Variants in NAPG observed in about 807,000 individuals in gnomAD.
NAPG encodes gamma-soluble NSF attachment protein.
A neutral mutation model predicts 48.4 loss-of-function variants in NAPG; 25 were observed. That is an observed-to-expected ratio of 0.52 (90% CI 0.38 to 0.72). The LOEUF is 0.72. Ranked by LOEUF, NAPG falls within the 30% of genes least tolerant of loss-of-function variation. NAPG has a pLI of 0.00. For synonymous variants in NAPG, 139 were observed against 127.2 expected (o/e 1.09, Z -0.62); for missense variants, 359 against 372.5 (o/e 0.96, Z 0.30).
rs1445265002 is a variant in NAPG at position 10,544,828 on chromosome 18, C to G, written c.507-1498C>G. Among the ~76,000 whole-genome samples the G allele has an allele frequency of 6.6e-6, 1 of 152,174 alleles. No homozygotes were observed. Among genetic ancestry groups the G allele is most frequent in the Non-Finnish European group, 1.5e-5 (1 of 68,040 alleles). On this transcript the variant is annotated intron_variant, in intron 8 of 11. Transcript: ENST00000322897. The surrounding 1 kb of genome is among the most constrained non-coding windows in gnomAD (Gnocchi z 5.1). ...AATTGACTTTGTTCCAAAAATTTAT[C>G]AAGTTGACCTGTGGAAATTCAGAAT...
intron 1 of NAPG, among the ~76,000 whole-genome samples, chr18:10,528,303 G>A (rs2143086318): frequency 6.6e-6 from 1 of 152,334 alleles, no homozygotes; most frequent in Non-Finnish European, 1.5e-5. Context: ...ACCTGTACCA[G>A]CCACAGAGGA....
At chr18:10,530,366 C>T (rs73392611) in intron 1 of NAPG, among the ~76,000 whole-genome samples, 2,880 of 151,970 alleles carry the variant, frequency 0.019, 88 homozygotes, top group African/African-American at 0.063. Flanking sequence ...CTTGTCTGTG[C>T]GTCAGTTTCA....
chr18:10,534,292 A>C lies in NAPG; in HGVS notation c.228-174A>C, dbSNP rs1410915504. Reference sequence around the variant, plus strand: ...CTGATGTTCTAAGCCATTATTCCCCACAAAAAAAGAATAAAAAATTATATT... The same window carrying C: ...CTGATGTTCTAAGCCATTATTCCCCCCAAAAAAAGAATAAAAAATTATATT... On this transcript the variant is annotated intron_variant, in intron 4 of 11. Transcript: ENST00000322897. The surrounding 1 kb of genome is among the most constrained non-coding windows in gnomAD (Gnocchi z 5.0). Among the ~76,000 whole-genome samples, 4 of 152,230 alleles carry C rather than the reference A, an allele frequency of 2.6e-5. No individual in the cohort carries two copies. The highest frequency in any genetic ancestry group is 9.6e-5 in the African/African-American group (4 of 41,454).
In NAPG at chr18:10,526,289, G is replaced by C. The variant is rs2031808050; in HGVS notation, c.56+131G>C. 16 of 852,978 alleles carry C rather than the reference G, an allele frequency of 1.9e-5. No homozygotes were observed. The South Asian group carries it at 2.2e-4, about 12-fold the overall frequency. 52.8% of individuals were successfully genotyped at this position (852,978 alleles called of 1,614,324 possible). On this transcript the variant is annotated intron_variant, in intron 1 of 11. Transcript: ENST00000322897. ...GGCCTCGGCGCGCTGGTGCCCGCAG[G>C]GCTGCCGGGGCTCGGTGTCCTCTGG...
In NAPG at chr18:10,548,533, T is replaced by C. The variant is rs1346140627; in HGVS notation, c.665+155T>C. 6.6e-6 allele frequency among the ~76,000 whole-genome samples: 1 copy of C among 151,190 alleles called. No individual in the cohort carries two copies. The highest frequency in any genetic ancestry group is 2.5e-5 in the African/African-American group (1 of 40,484). On this transcript the variant is annotated intron_variant, in intron 10 of 11. Coordinates refer to ENST00000322897, the MANE Select transcript of NAPG (RefSeq NM_003826.3). This position sits in a 1 kb window ranked among gnomAD's most constrained non-coding sequence, Gnocchi z 4.4. ...CATTTCATCTTTTACAGTGGGTGTT[T>C]TACACCTTTTTTTTTTTTCCCTTTC... is the stretch of plus-strand genomic sequence containing the variant.
chr18:10,545,594 C>A (rs1278385728), intron 8 of NAPG, among the ~76,000 whole-genome samples: 2 of 152,050 alleles, frequency 1.3e-5, no homozygotes, highest in Non-Finnish European at 2.9e-5. Flanking sequence ...TTGGAGTATA[C>A]TACAGCTTTG....
rs1225248138 is a variant in NAPG, at chr18:10,548,532, T to C, written c.665+154T>C. 6.6e-6 allele frequency among the ~76,000 whole-genome samples: 1 copy of C among 151,168 alleles called. No individual in the cohort carries two copies. Among genetic ancestry groups the C allele is most frequent in the Admixed American group, 6.5e-5 (1 of 15,274 alleles). On this transcript the variant is annotated intron_variant, in intron 10 of 11. Transcript: ENST00000322897. The surrounding 1 kb of genome is among the most constrained non-coding windows in gnomAD (Gnocchi z 4.4). ...CCATTTCATCTTTTACAGTGGGTGT[T>C]TTACACCTTTTTTTTTTTTCCCTTT...
chr18:10,534,578 G>C lies in NAPG; in HGVS notation c.258+82G>C. 1 of 1,365,516 alleles carries C rather than the reference G, an allele frequency of 7.3e-7. No homozygotes were observed. Among genetic ancestry groups the C allele is most frequent in the Non-Finnish European group, 1.0e-6 (1 of 957,620 alleles). The allele number at this position is 1,365,516 out of a possible 1,614,324, so 84.6% of individuals were successfully genotyped here. A position where few individuals can be genotyped will look rare whatever the true frequency, so the allele number is the denominator to read the frequency against. On this transcript the variant is annotated intron_variant, in intron 5 of 11. Coordinates refer to ENST00000322897, the MANE Select transcript of NAPG (RefSeq NM_003826.3). This position sits in a 1 kb window ranked among gnomAD's most constrained non-coding sequence, Gnocchi z 5.0. The stretch of plus-strand genomic sequence containing the variant: ...TTAAACAAGAATTTTTGTTGAAGTT[G>C]AAAAGCTTCCTTACTGTAAGGCAAG...
At position 10,550,682 on chromosome 18, in the gene NAPG, C is replaced by G. The variant is rs2032370492; in HGVS notation, c.*462C>G. 6.5e-6 allele frequency: 1 copy of G among 154,360 alleles called. No individual in the cohort carries two copies. The highest frequency in any genetic ancestry group is 1.4e-5 in the Non-Finnish European group (1 of 69,710). 9.6% of individuals were successfully genotyped at this position (154,360 alleles called of 1,614,324 possible). ...TTTTTGTTTTGAAAAGTAAATTTAT[C>G]CCCCATGATGTTAGATACATTTAAA... is the stretch of plus-strand genomic sequence containing the variant. On this transcript the variant is annotated 3_prime_UTR_variant, in exon 12 of 12. Coordinates refer to ENST00000322897, the MANE Select transcript of NAPG (RefSeq NM_003826.3).
At chr18:10,545,475 C>T (rs2032243896) in intron 8 of NAPG, among the ~76,000 whole-genome samples, 1 of 152,208 alleles carries the variant, frequency 6.6e-6, no homozygotes, top group African/African-American at 2.4e-5. Context: ...AATGCCCAGA[C>T]CCTGGTAGTT....
intron 1 of NAPG, 22 bp downstream of exon 1, chr18:10,526,180 G>C (rs760252952): frequency 4.3e-5 from 69 of 1,607,472 alleles, no homozygotes; most frequent in Non-Finnish European, 5.8e-5. Context: ...CCTTCCGGGG[G>C]CCTGTGTGTA....
At chr18:10,536,566 A>G (rs1343121774) in intron 5 of NAPG, among the ~76,000 whole-genome samples, 1 of 152,230 alleles carries the variant, frequency 6.6e-6, no homozygotes, top group Non-Finnish European at 1.5e-5. Flanking sequence ...ACTTTCAAGT[A>G]GGCAGCTCAT....
rs773053468 is a variant in NAPG at position 10,544,960 on chromosome 18, A to T, written c.507-1366A>T. Among the ~76,000 whole-genome samples, 8 of 152,122 alleles carry T rather than the reference A, an allele frequency of 5.3e-5. No homozygotes were observed. The highest frequency in any genetic ancestry group is 1.0e-4 in the Non-Finnish European group (7 of 68,018). On this transcript the variant is annotated intron_variant, in intron 8 of 11. Coordinates refer to ENST00000322897, the MANE Select transcript of NAPG (RefSeq NM_003826.3). The surrounding 1 kb of genome is among the most constrained non-coding windows in gnomAD (Gnocchi z 5.1). ...TAAGTAGCCATAATAGCATAAGCCA[A>T]GCCACTGTGTGTGTGGTGTGTGTGT...
chr18:10,549,070 C>G lies in NAPG; in HGVS notation c.769C>G (p.Pro257Ala), dbSNP rs200148315. Residue 257 changes from proline (P) to alanine (A), a missense_variant, in exon 11 of 12, where the codon CCG becomes GCG. By Grantham distance (27) the Pro-to-Ala change is conservative. Transcript: ENST00000322897. Reference sequence around the variant, plus strand: ...TCAGGTGTCAGATGTCTGCAACTCACCGCTTTTCAAGTACATGGACAATGA... The same window carrying G: ...TCAGGTGTCAGATGTCTGCAACTCAGCGCTTTTCAAGTACATGGACAATGA... Reference protein sequence around the residue: ...QDQVSDVCNSPLFKYMDNDYA... With the variant: ...QDQVSDVCNSALFKYMDNDYA... 12 of 1,613,764 alleles carry G rather than the reference C, an allele frequency of 7.4e-6. No individual in the cohort carries two copies. Among genetic ancestry groups the G allele is most frequent in the Non-Finnish European group, 1.0e-5 (12 of 1,179,744 alleles).
chr18:10,530,718 G>T, intron 1 of NAPG, 52 bp from the exon 2 acceptor site: 6 of 1,130,548 alleles, frequency 5.3e-6, no homozygotes, highest in South Asian at 1.9e-5. Context: ...GCAGAGATCT[G>T]ACTTATAAAT....
Position 10,550,346 on chromosome 18 carries a change from C to T in NAPG, c.*126C>T, listed in dbSNP as rs563178587. On this transcript the variant is annotated 3_prime_UTR_variant, in exon 12 of 12. Transcript: ENST00000322897. ...TCATGATTTTGGATCCTAATAAAGA[C>T]TAGTTTTTAGTTACCATCTTCCCAA... is the stretch of plus-strand genomic sequence containing the variant. 1 of 1,062,484 alleles carries T rather than the reference C, an allele frequency of 9.4e-7. No homozygotes were observed. Among genetic ancestry groups the T allele is most frequent in the Non-Finnish European group, 1.3e-6 (1 of 775,146 alleles). The allele number at this position is 1,062,484 out of a possible 1,614,324, so 65.8% of individuals were successfully genotyped here.
At chr18:10,547,728 T>G (rs2032298514) in intron 9 of NAPG, among the ~76,000 whole-genome samples, 1 of 152,192 alleles carries the variant, frequency 6.6e-6, no homozygotes, top group Admixed American at 6.5e-5. Context: ...CACCAAAAGA[T>G]GGAAAAATAC....
chr18:10,532,823 T>C (rs1567888590), intron 3 of NAPG, 28 bp downstream of exon 3: 16 of 1,497,370 alleles, frequency 1.1e-5, no homozygotes, highest in Non-Finnish European at 1.4e-5. Flanking sequence ...TAAAAAGAAA[T>C]TAAACAATTA....
chr18:10,526,461 G>A (rs906694969), intron 1 of NAPG: 5 of 401,282 alleles, frequency 1.2e-5, no homozygotes, highest in Non-Finnish European at 2.2e-5. Context: ...TGGGCGCTCT[G>A]CTCCTGAAGA....
Sources: gnomAD v4.1 joint callset for allele counts (sites outside exome capture counted in the v4.1 genomes callset) on GRCh38, gnomAD v4.1.1 for gene constraint, Gnocchi (gnomAD v3.1) non-coding constraint, MANE v1.5 for transcripts, NCBI Gene and HGNC (gene_info 2026-07-23, HGNC 2026-07-21) for gene names.